The following ANGPT2 variants were observed in gnomAD, a reference collection of about 807,000 sequenced individuals.
The protein encoded by ANGPT2 is angiopoietin 2.
A neutral mutation model predicts 62.9 loss-of-function variants in ANGPT2; 28 were observed. That is an observed-to-expected ratio of 0.44 (90% CI 0.33 to 0.61). ANGPT2 has a LOEUF of 0.61. ANGPT2 is among the 20% of genes least tolerant of loss of function. ANGPT2 has a pLI of 0.03. For synonymous variants in ANGPT2, 284 were observed against 207.8 expected, an observed-to-expected ratio of 1.37 and a Z score of -3.15; for missense variants, 727 against 594.9, an observed-to-expected ratio of 1.22 and a Z score of -2.31.
intron 7 of ANGPT2, among the ~76,000 whole-genome samples, chr8:6,512,595 C>T: frequency 6.6e-6 from 1 of 152,208 alleles, no homozygotes; most frequent in Non-Finnish European, 1.5e-5. Flanking sequence ...CACTTCTCTG[C>T]CCCTCCCGTT....
chr8:6,519,792 T>G, intron 5 of ANGPT2, 72 bp downstream of exon 5: 1 of 1,552,164 alleles, frequency 6.4e-7, no homozygotes. Context: ...AGACTTCTGC[T>G]CTCTGGTTCC....
intron 8 of ANGPT2, among the ~76,000 whole-genome samples, chr8:6,505,964 CATACATATTCTTTGTATATATAAAAACAT>C (rs1563308954): frequency 0.012 from 18 of 1,512 alleles, 1 homozygote; most frequent in Non-Finnish European, 0.056. Context: ...TATATAAAAA[CATACATATTCTTTGTATATATAAAAACAT>C]ATACATATTC....
At chr8:6,546,112 G>A (rs957203572) in intron 1 of ANGPT2, among the ~76,000 whole-genome samples, 1 of 152,166 alleles carries the variant, frequency 6.6e-6, no homozygotes, top group African/African-American at 2.4e-5. Context: ...TTTCTGGTTG[G>A]TAAAACAGGT....
chr8:6,534,857 C>G (rs1563083056), intron 1 of ANGPT2, among the ~76,000 whole-genome samples: 2 of 152,128 alleles, frequency 1.3e-5, no homozygotes. Context: ...TTGAAATAAA[C>G]TATTTAAAAG....
At chr8:6,539,937 C>CGG (rs145698255) in intron 1 of ANGPT2, among the ~76,000 whole-genome samples, 8 of 151,862 alleles carry the variant, frequency 5.3e-5, no homozygotes, top group African/African-American at 1.9e-4. Flanking sequence ...ATAACCAACC[C>CGG]CTTTCCTACT....
At chr8:6,506,969 C>G (rs866279106) in intron 8 of ANGPT2, among the ~76,000 whole-genome samples, 1 of 151,966 alleles carries the variant, frequency 6.6e-6, no homozygotes, top group African/African-American at 2.4e-5. Context: ...GCGATCTCGG[C>G]TCATTGCAAA....
Position 6,502,982 on chromosome 8 carries a change from G to C in ANGPT2, c.*119C>G. 4.1e-6 allele frequency: 5 copies of C among 1,213,572 alleles called. No homozygotes were observed. The highest frequency in any genetic ancestry group is 5.8e-6 in the Non-Finnish European group (5 of 855,904). The allele number at this position is 1,213,572 out of a possible 1,614,324, so 75.2% of individuals were successfully genotyped here. A position where few individuals can be genotyped will look rare whatever the true frequency, so the allele number is the denominator to read the frequency against. ...AATCTGGAGCATGTGGGTCCCGTCA[G>C]CACCGAGCACACGCCCTCTGTGGTG... On this transcript the variant is annotated 3_prime_UTR_variant, in exon 9 of 9. Transcript: ENST00000629816.
rs568164044 is a variant in ANGPT2, at chr8:6,510,166, T to G, written c.1197-1104A>C. ...TTTTGAGGTTGTTTTTTCTTTTTTT[T>G]TTTTTATTTTCCATAACTATGCTCA... On this transcript the variant is annotated intron_variant, in intron 7 of 8. Coordinates refer to ENST00000629816, the MANE Select transcript of ANGPT2 (RefSeq NM_001118887.2). 4.0e-5 allele frequency among the ~76,000 whole-genome samples: 6 copies of G among 151,824 alleles called. No individual in the cohort carries two copies. The South Asian group carries it at 1.3e-3, about 32-fold the overall frequency.
At chr8:6,505,392 T>TAC (rs1813296442) in intron 8 of ANGPT2, among the ~76,000 whole-genome samples, 2 of 75,454 alleles carry the variant, frequency 2.7e-5, no homozygotes, top group African/African-American at 5.7e-5. Context: ...TTTCTATATG[T>TAC]ATATAGAATA....
chr8:6,516,695 C>T (rs929304633), intron 5 of ANGPT2, among the ~76,000 whole-genome samples: 1 of 152,164 alleles, frequency 6.6e-6, no homozygotes, highest in Non-Finnish European at 1.5e-5. Context: ...GAAGTTAATT[C>T]TGTATCCTAA....
intron 1 of ANGPT2, among the ~76,000 whole-genome samples, chr8:6,532,844 C>A (rs1819786210): frequency 6.6e-6 from 1 of 152,112 alleles, no homozygotes; most frequent in Non-Finnish European, 1.5e-5. Context: ...TCTGTCCTAC[C>A]CAGCTGCAAC....
intron 8 of ANGPT2, among the ~76,000 whole-genome samples, chr8:6,506,396 A>C (rs1813735914): frequency 6.6e-6 from 1 of 151,978 alleles, no homozygotes. Flanking sequence ...TCTCTTTTCC[A>C]ATTACATTCT....
chr8:6,528,900 G>A (rs1228849321), intron 2 of ANGPT2, among the ~76,000 whole-genome samples: 2 of 152,182 alleles, frequency 1.3e-5, no homozygotes, highest in Non-Finnish European at 2.9e-5. Flanking sequence ...TCTTCTGTGA[G>A]AATAAAGTCC....
intron 1 of ANGPT2, among the ~76,000 whole-genome samples, chr8:6,551,202 T>G (rs142889737): frequency 6.6e-6 from 1 of 151,962 alleles, no homozygotes; most frequent in Non-Finnish European, 1.5e-5. Context: ...AGGGTCCTAG[T>G]TAAGCTGAGA....
intron 5 of ANGPT2, among the ~76,000 whole-genome samples, chr8:6,516,462 A>T (rs1309455767): frequency 2.0e-5 from 3 of 152,180 alleles, no homozygotes; most frequent in Non-Finnish European, 4.4e-5. Flanking sequence ...CACTGACATC[A>T]TGCTGCCAAA....
chr8:6,554,760 C>T (rs1218640993), intron 1 of ANGPT2, among the ~76,000 whole-genome samples: 4 of 151,990 alleles, frequency 2.6e-5, no homozygotes, highest in African/African-American at 7.2e-5. Context: ...TCGGAGGGAG[C>T]GGGAGAGTCC....
At chr8:6,505,443 A>G (rs1291604705) in intron 8 of ANGPT2, among the ~76,000 whole-genome samples, 2 of 84,372 alleles carry the variant, frequency 2.4e-5, no homozygotes, top group East Asian at 5.0e-4. Context: ...TATATTCTTT[A>G]TATACATATA....
intron 5 of ANGPT2, among the ~76,000 whole-genome samples, chr8:6,517,012 A>T (rs1183744264): frequency 6.6e-6 from 1 of 152,348 alleles, no homozygotes; most frequent in East Asian, 1.9e-4. Context: ...GTTTTTAGAA[A>T]AAAGAACAGA....
At chr8:6,529,134 A>G (rs1046306724) in intron 2 of ANGPT2, among the ~76,000 whole-genome samples, 1 of 152,188 alleles carries the variant, frequency 6.6e-6, no homozygotes, top group African/African-American at 2.4e-5. Flanking sequence ...AATTGTAACC[A>G]TTTTCACATC....
Sources: allele counts gnomAD v4.1 joint callset (sites outside exome capture counted in the v4.1 genomes callset), GRCh38; gene constraint gnomAD v4.1.1; transcripts MANE v1.5; gene names NCBI Gene and HGNC (gene_info 2026-07-23, HGNC 2026-07-21).